Variants in RFX3 observed in about 807,000 individuals in gnomAD.
RFX3 encodes transcription factor RFX3.
A neutral mutation model predicts 98.6 loss-of-function variants in RFX3; 14 were observed. The ratio of observed to expected loss-of-function variants is 0.14; its 90% CI spans 0.09 to 0.22. The LOEUF (loss-of-function observed/expected upper bound fraction) is 0.22. Among genes scored for constraint, RFX3 ranks in the 10% least tolerant of loss-of-function variants. RFX3 has a pLI of 1.00. For synonymous variants in RFX3, 383 were observed against 328.4 expected, an observed-to-expected ratio of 1.17 and a Z score of -1.80; for missense variants, 639 against 926.9, an observed-to-expected ratio of 0.69 and a Z score of 4.03.
At chr9:3,331,471 C>T (rs1832592076) in intron 3 of RFX3, among the ~76,000 whole-genome samples, 1 of 152,086 alleles carries the variant, frequency 6.6e-6, no homozygotes, top group South Asian at 2.1e-4. Context: ...CATTCAAATA[C>T]AAAATTGAAA....
chr9:3,243,735 T>C (rs1269925651), intron 15 of RFX3, among the ~76,000 whole-genome samples: 1 of 152,196 alleles, frequency 6.6e-6, no homozygotes, highest in Non-Finnish European at 1.5e-5. Context: ...ACTATTTAAC[T>C]GACACCTTTT....
intron 5 of RFX3, among the ~76,000 whole-genome samples, chr9:3,293,516 T>C (rs1827639214): frequency 6.6e-6 from 1 of 152,162 alleles, no homozygotes; most frequent in Admixed American, 6.6e-5. Context: ...ACATACTAAT[T>C]TTCCCTGTAT....
intron 2 of RFX3, among the ~76,000 whole-genome samples, chr9:3,347,545 CG>C (rs1176946658): frequency 2.0e-5 from 3 of 151,970 alleles, no homozygotes; most frequent in Non-Finnish European, 2.9e-5. Context: ...TCCAGAAGGC[CG>C]GGTGCGGTGG....
chr9:3,459,856 T>C (rs1490417746), intron 1 of RFX3, among the ~76,000 whole-genome samples: 1 of 152,080 alleles, frequency 6.6e-6, no homozygotes, highest in Non-Finnish European at 1.5e-5. Flanking sequence ...CTAATAACTC[T>C]AATACAATTT....
chr9:3,518,979 TGACTA>T (rs1280666257), intron 1 of RFX3, among the ~76,000 whole-genome samples: 2 of 152,200 alleles, frequency 1.3e-5, no homozygotes, highest in African/African-American at 2.4e-5. Flanking sequence ...TTTACACAAC[TGACTA>T]GACTATTTAT....
At chr9:3,493,837 T>C (rs1564172753) in intron 1 of RFX3, among the ~76,000 whole-genome samples, 1 of 151,378 alleles carries the variant, frequency 6.6e-6, no homozygotes, top group Non-Finnish European at 1.5e-5. Flanking sequence ...AACAAGCTCT[T>C]CCAACTCTTT....
Position 3,225,006 on chromosome 9 carries a change from G to A in RFX3, c.*36C>T, listed in dbSNP as rs550578818. 6 of 1,595,656 alleles carry A rather than the reference G, an allele frequency of 3.8e-6. No individual in the cohort carries two copies. The highest frequency in any genetic ancestry group is 3.3e-5 in the South Asian group (3 of 90,306). Reference sequence around the variant, plus strand: ...TCAACTTAAGCCCAATATCAACAGGGTTAATGTAAGCTGGAAAAATACGCT... The same window carrying A: ...TCAACTTAAGCCCAATATCAACAGGATTAATGTAAGCTGGAAAAATACGCT... On this transcript the variant is annotated 3_prime_UTR_variant, in exon 17 of 17. Transcript: ENST00000617270.
intron 7 of RFX3, among the ~76,000 whole-genome samples, 165 bp downstream of exon 7, chr9:3,287,966 G>A (rs983236310): frequency 3.3e-5 from 5 of 151,932 alleles, no homozygotes; most frequent in African/African-American, 1.2e-4. Context: ...TGGAAAACAG[G>A]CGAGATCACT....
At chr9:3,310,193 G>C (rs117687727) in intron 4 of RFX3, among the ~76,000 whole-genome samples, 2,549 of 152,294 alleles carry the variant, frequency 0.017, 37 homozygotes, top group African/African-American at 0.022. Flanking sequence ...AAAATGGGAA[G>C]AGGTGTTGAG....
intron 1 of RFX3, among the ~76,000 whole-genome samples, chr9:3,411,889 T>A (rs1012590765): frequency 6.6e-6 from 1 of 152,270 alleles, no homozygotes; most frequent in South Asian, 2.1e-4. Flanking sequence ...CAAAATACTC[T>A]ACATATATAA....
At chr9:3,475,580 T>A (rs1198497599) in intron 1 of RFX3, among the ~76,000 whole-genome samples, 1 of 152,220 alleles carries the variant, frequency 6.6e-6, no homozygotes, top group East Asian at 1.9e-4. Flanking sequence ...ATACAGCGTA[T>A]GCAATAGCAT....
intron 2 of RFX3, among the ~76,000 whole-genome samples, chr9:3,383,606 A>G (rs1839416629): frequency 6.6e-6 from 1 of 152,164 alleles, no homozygotes. Context: ...AAGACTTAGC[A>G]CTGAGTTACT....
rs1419324608 is a variant in RFX3, at chr9:3,278,780, T to G, written c.852-1319A>C. ...TAATGACATTTACATTTATTTCTTATGTGACAGTATCTTACAAACAACTAT... is the reference window on the plus strand; with the variant it reads ...TAATGACATTTACATTTATTTCTTAGGTGACAGTATCTTACAAACAACTAT... On this transcript the variant is annotated intron_variant, in intron 7 of 16. Transcript: ENST00000617270. 2.0e-5 allele frequency among the ~76,000 whole-genome samples: 3 copies of G among 151,880 alleles called. No homozygotes were observed. In the East Asian group the frequency reaches 5.8e-4, roughly 29 times the overall value.
chr9:3,403,691 AAAAT>A (rs1213545071), intron 1 of RFX3, among the ~76,000 whole-genome samples: 1 of 152,224 alleles, frequency 6.6e-6, no homozygotes, highest in Non-Finnish European at 1.5e-5. Flanking sequence ...ACCAAAAACT[AAAAT>A]AAAACAATCC....
intron 1 of RFX3, among the ~76,000 whole-genome samples, chr9:3,423,008 A>G (rs1421827384): frequency 2.6e-5 from 4 of 152,232 alleles, no homozygotes; most frequent in Non-Finnish European, 5.9e-5. Context: ...AAGACAAAAA[A>G]TAAGTTATTT....
chr9:3,476,395 T>C (rs937004128), intron 1 of RFX3, among the ~76,000 whole-genome samples: 1 of 152,166 alleles, frequency 6.6e-6, no homozygotes, highest in Middle Eastern at 3.4e-3. Context: ...TCATCAAATA[T>C]AGGGCACTGG....
intron 1 of RFX3, among the ~76,000 whole-genome samples, chr9:3,517,242 T>C (rs1818271296): frequency 6.6e-6 from 1 of 152,184 alleles, no homozygotes; most frequent in Admixed American, 6.5e-5. Context: ...ATGGAGAAAC[T>C]GAGACCTATA....
At chr9:3,393,461 G>C (rs1840531798) in intron 2 of RFX3, among the ~76,000 whole-genome samples, 1 of 152,154 alleles carries the variant, frequency 6.6e-6, no homozygotes, top group Non-Finnish European at 1.5e-5. Flanking sequence ...TCTTGTTAGT[G>C]ATAGGCACTC....
intron 7 of RFX3, among the ~76,000 whole-genome samples, chr9:3,280,081 G>A (rs1470614597): frequency 6.6e-6 from 1 of 151,744 alleles, no homozygotes; most frequent in African/African-American, 2.4e-5. Context: ...AACCACAAGA[G>A]TAAGGGTAGC....
Sources: allele counts gnomAD v4.1 joint callset (sites outside exome capture counted in the v4.1 genomes callset), GRCh38; gene constraint gnomAD v4.1.1; transcripts MANE v1.5; gene names NCBI Gene and HGNC (gene_info 2026-07-23, HGNC 2026-07-21).